Variants in WDR1 observed in about 807,000 individuals in gnomAD.
The protein encoded by WDR1 is WD repeat-containing protein 1.
In WDR1, 21 loss-of-function variants were observed where a neutral mutation model predicts 71.9. The ratio of observed to expected loss-of-function variants is 0.29; its 90% confidence interval spans 0.21 to 0.42. The LOEUF is 0.42. Ranked by LOEUF, WDR1 falls within the 10% of genes least tolerant of loss-of-function variation. WDR1 has a pLI of 1.00. For synonymous variants in WDR1, 424 were observed against 347.4 expected, an observed-to-expected ratio of 1.22 and a Z score of -2.45; for missense variants, 696 against 824.5, an observed-to-expected ratio of 0.84 and a Z score of 1.91.
intron 2 of WDR1, among the ~76,000 whole-genome samples, chr4:10,111,139 C>G (rs1157003321): frequency 6.6e-6 from 1 of 152,212 alleles, no homozygotes; most frequent in Non-Finnish European, 1.5e-5. Context: ...GATCTGATTA[C>G]TTGTCTGTGA....
At chr4:10,086,840 G>A (rs769984454) in intron 8 of WDR1, among the ~76,000 whole-genome samples, 4 of 152,176 alleles carry the variant, frequency 2.6e-5, no homozygotes, top group African/African-American at 4.8e-5. Context: ...GGCCACCAGC[G>A]CTGGGGGAAC....
chr4:10,098,827 C>T (rs1335326274), intron 4 of WDR1, among the ~76,000 whole-genome samples, 165 bp downstream of exon 4: 1 of 152,182 alleles, frequency 6.6e-6, no homozygotes, highest in Non-Finnish European at 1.5e-5. Flanking sequence ...TTCTACCTTA[C>T]CTGGGGCTGC....
At position 10,098,980 on chromosome 4, in the gene WDR1, G is replaced by A. The variant is rs140020969; in HGVS notation, c.377+12C>T. 298 of 1,613,944 alleles carry A rather than the reference G, an allele frequency of 1.8e-4. No homozygotes were observed. The African/African-American group carries it at 3.2e-3, about 17-fold the overall frequency. ...GCAACAGGGCAGGGAGGGGCTGAGA[G>A]GAGTGACTCACTTCTCCCTTCCTTC... On this transcript the variant is annotated intron_variant, in intron 4 of 14. Coordinates refer to ENST00000499869, the MANE Select transcript of WDR1 (RefSeq NM_017491.5).
intron 2 of WDR1, among the ~76,000 whole-genome samples, chr4:10,108,717 A>C (rs967276885): frequency 2.6e-5 from 4 of 152,334 alleles, no homozygotes; most frequent in African/African-American, 9.6e-5. Context: ...CCTCAGCTCC[A>C]AAGCAGGAAT....
At chr4:10,082,073 G>A (rs1203995848) in intron 10 of WDR1, among the ~76,000 whole-genome samples, 1 of 152,206 alleles carries the variant, frequency 6.6e-6, no homozygotes, top group Non-Finnish European at 1.5e-5. Flanking sequence ...ATCTGGCCCA[G>A]GGAAGACCCT....
At chr4:10,113,575 C>T (rs1713523021) in intron 2 of WDR1, among the ~76,000 whole-genome samples, 2 of 149,088 alleles carry the variant, frequency 1.3e-5, no homozygotes, top group South Asian at 4.2e-4. Flanking sequence ...TGTGTTTCAG[C>T]CACTCCAGCG....
chr4:10,093,026 A>G, intron 5 of WDR1: 1 of 1,282,200 alleles, frequency 7.8e-7, no homozygotes. Flanking sequence ...CCCTCCCACC[A>G]ATATGCTCCC....
chr4:10,092,130 C>G (rs1364943593), intron 5 of WDR1: 1 of 152,288 alleles, frequency 6.6e-6, no homozygotes, highest in Non-Finnish European at 1.5e-5. Flanking sequence ...TCCAAGCCAG[C>G]CTGAGCTTCC....
At chr4:10,085,465 T>C (rs1336061889) in intron 8 of WDR1, among the ~76,000 whole-genome samples, 1 of 152,180 alleles carries the variant, frequency 6.6e-6, no homozygotes, top group Non-Finnish European at 1.5e-5. Flanking sequence ...GACACTGAGC[T>C]GGGCGGCCTC....
At chr4:10,109,814 G>C (rs1713240569) in intron 2 of WDR1, among the ~76,000 whole-genome samples, 2 of 152,218 alleles carry the variant, frequency 1.3e-5, no homozygotes, top group Admixed American at 6.5e-5. Context: ...CAGAGGTTCA[G>C]CATCCTCACC....
chr4:10,089,388 A>G (rs1482300340), intron 5 of WDR1, among the ~76,000 whole-genome samples: 2 of 152,180 alleles, frequency 1.3e-5, no homozygotes, highest in Non-Finnish European at 2.9e-5. Context: ...TTACAGGAGT[A>G]AGTCACTGCG....
intron 4 of WDR1, among the ~76,000 whole-genome samples, chr4:10,098,117 C>T (rs951587579): frequency 6.6e-6 from 1 of 151,990 alleles, no homozygotes; most frequent in Non-Finnish European, 1.5e-5. Context: ...CCGGCGCCTT[C>T]GGGAAGGGGA....
chr4:10,116,480 C>A, intron 1 of WDR1, 171 bp downstream of exon 1: 1 of 599,698 alleles, frequency 1.7e-6, no homozygotes, highest in South Asian at 2.8e-5. Context: ...CACCCCCCGT[C>A]GGGGGTCCCG....
chr4:10,110,150 C>G (rs929589990), intron 2 of WDR1, among the ~76,000 whole-genome samples: 3 of 152,094 alleles, frequency 2.0e-5, no homozygotes, highest in African/African-American at 7.3e-5. Context: ...AGGACCCATA[C>G]GTAGAAGTGA....
At chr4:10,102,113 T>TCA (rs1189182745) in intron 3 of WDR1, among the ~76,000 whole-genome samples, 1 of 152,136 alleles carries the variant, frequency 6.6e-6, no homozygotes, top group African/African-American at 2.4e-5. Flanking sequence ...CCTGGCTCGA[T>TCA]CAGAACAGAG....
intron 5 of WDR1, among the ~76,000 whole-genome samples, chr4:10,094,254 G>T (rs553658399): frequency 6.6e-6 from 1 of 152,266 alleles, no homozygotes; most frequent in African/African-American, 2.4e-5. Flanking sequence ...CCAACTCCTG[G>T]GACCTAGGAC....
chr4:10,107,315 C>G (rs1356642686), intron 2 of WDR1, among the ~76,000 whole-genome samples: 2 of 152,228 alleles, frequency 1.3e-5, no homozygotes, highest in African/African-American at 4.8e-5. Context: ...CCCAACCCAT[C>G]TTCTCTTTTA....
intron 2 of WDR1, among the ~76,000 whole-genome samples, chr4:10,104,304 G>A (rs1024119863): frequency 6.6e-6 from 1 of 152,118 alleles, no homozygotes; most frequent in African/African-American, 2.4e-5. Flanking sequence ...ATACACAAAA[G>A]GTGGATTAGA....
intron 2 of WDR1, among the ~76,000 whole-genome samples, chr4:10,107,300 C>T (rs1368483387): frequency 6.6e-6 from 1 of 152,180 alleles, no homozygotes; most frequent in African/African-American, 2.4e-5. Context: ...TTTTCCTTGC[C>T]AACTCCCAAC....
Sources: gnomAD v4.1 joint callset for allele counts (sites outside exome capture counted in the v4.1 genomes callset) on GRCh38, gnomAD v4.1.1 for gene constraint, MANE v1.5 for transcripts, NCBI Gene and HGNC (gene_info 2026-07-23, HGNC 2026-07-21) for gene names.